Variants in ARHGAP26 observed in about 807,000 individuals in gnomAD.
ARHGAP26 encodes rho GTPase-activating protein 26.
A neutral mutation model predicts 104.8 loss-of-function variants in ARHGAP26; 38 were observed. The observed-to-expected ratio is 0.36, with a 90% CI of 0.28 to 0.48. The LOEUF is 0.48. Among genes scored for constraint, ARHGAP26 ranks in the 20% least tolerant of loss-of-function variants. The probability of loss-of-function intolerance (pLI) is 0.99; values close to 1 mark genes in which losing one functional copy is unlikely to be tolerated. For synonymous variants in ARHGAP26, 341 were observed against 340.0 expected (o/e 1.00, Z -0.03); for missense variants, 704 against 947.9 (o/e 0.74, Z 3.38).
intron 11 of ARHGAP26, among the ~76,000 whole-genome samples, chr5:142,988,157 TC>T (rs1391057402): frequency 6.6e-6 from 1 of 152,202 alleles, no homozygotes; most frequent in African/African-American, 2.4e-5. Flanking sequence ...TATTATTGCC[TC>T]AATTTCAGAG....
rs138930924 is a variant in ARHGAP26 at position 143,207,346 on chromosome 5, G to A, written c.2099+38G>A. 50 of 1,614,126 alleles carry A rather than the reference G, an allele frequency of 3.1e-5. 1 individual carries two copies. In the South Asian group the frequency reaches 3.3e-4, roughly 11 times the overall value. ...GTTTGTTTGGTTTTCTGTTGCTGCC[G>A]TTGTTCTCTCATTGGCTCGGTCCTC... On this transcript the variant is annotated intron_variant, in intron 21 of 22. Coordinates refer to ENST00000645722, the MANE Select transcript of ARHGAP26 (RefSeq NM_001135608.3).
At chr5:143,209,199 T>G (rs1809049921) in intron 21 of ARHGAP26, among the ~76,000 whole-genome samples, 2 of 152,218 alleles carry the variant, frequency 1.3e-5, no homozygotes, top group South Asian at 4.1e-4. Flanking sequence ...CTCTCTGCCT[T>G]GATGGTACTC....
chr5:142,973,979 C>T (rs566494873), intron 11 of ARHGAP26, among the ~76,000 whole-genome samples: 1 of 152,338 alleles, frequency 6.6e-6, no homozygotes, highest in South Asian at 2.1e-4. Context: ...TTATTTTAGA[C>T]TGGGCAGTGC....
chr5:142,909,765 T>G (rs1180725931), intron 9 of ARHGAP26, among the ~76,000 whole-genome samples: 1 of 152,242 alleles, frequency 6.6e-6, no homozygotes, highest in African/African-American at 2.4e-5. Flanking sequence ...TTCCTTGGAT[T>G]GAGCCTTAGT....
chr5:143,109,749 T>A (rs1178875591), intron 17 of ARHGAP26, among the ~76,000 whole-genome samples: 1 of 152,170 alleles, frequency 6.6e-6, no homozygotes, highest in Non-Finnish European at 1.5e-5. Flanking sequence ...CATATCTCTC[T>A]CTCTTTGAAT....
At chr5:142,991,400 CTTGCACTTCCCAGGTAAGGTG>C (rs945688501) in intron 11 of ARHGAP26, among the ~76,000 whole-genome samples, 43 of 152,310 alleles carry the variant, frequency 2.8e-4, no homozygotes, top group African/African-American at 9.9e-4. Flanking sequence ...TCCCTGTCCC[CTTGCACTTCCCAGGTAAGGTG>C]ATGCCTTGCC....
At chr5:142,999,960 A>T (rs751647417) in intron 11 of ARHGAP26, among the ~76,000 whole-genome samples, 8 of 152,216 alleles carry the variant, frequency 5.3e-5, no homozygotes, top group Non-Finnish European at 1.0e-4. Flanking sequence ...CAGAAAAAAG[A>T]CTTGAAGAAA....
intron 1 of ARHGAP26, among the ~76,000 whole-genome samples, chr5:142,849,119 CA>C (rs1751023803): frequency 6.6e-6 from 1 of 152,214 alleles, no homozygotes; most frequent in African/African-American, 2.4e-5. Flanking sequence ...GAGCCACAAA[CA>C]ACACTTTAGA....
At position 143,193,240 on chromosome 5, in the gene ARHGAP26, C is replaced by CTTTTTTT. The variant is rs57462040; in HGVS notation, c.1989-13939_1989-13933dup. 3.2e-3 allele frequency among the ~76,000 whole-genome samples: 240 copies of CTTTTTTT among 74,588 alleles called. 4 individuals carry two copies. Among genetic ancestry groups the CTTTTTTT allele is most frequent in the African/African-American group, 0.011 (187 of 16,926 alleles). 48.9% of individuals were successfully genotyped at this position (74,588 alleles called of 152,430 possible). ...GGTATTACAGTGCTTATTTTCTTTT[C>CTTTTTTT]TTTTTTTTTTTTTTTTTTTTTTTTT... On this transcript the variant is annotated intron_variant, in intron 20 of 22. Transcript: ENST00000645722.
chr5:142,912,977 G>A (rs555310527), intron 9 of ARHGAP26, among the ~76,000 whole-genome samples: 9 of 152,270 alleles, frequency 5.9e-5, no homozygotes, highest in South Asian at 4.2e-4. Flanking sequence ...TGATCCACCC[G>A]TACTAAAGAT....
chr5:143,221,424 CAAAAAAAA>C (rs56114785), intron 22 of ARHGAP26, among the ~76,000 whole-genome samples: 1 of 83,632 alleles, frequency 1.2e-5, no homozygotes, highest in Non-Finnish European at 2.6e-5. Context: ...TGACAGCAAC[CAAAAAAAA>C]AAAAAAAAAA....
rs530923137 is a variant in ARHGAP26, at chr5:142,806,110, C to T, written c.154+35195C>T. Among the ~76,000 whole-genome samples, 26 of 152,138 alleles carry T rather than the reference C, an allele frequency of 1.7e-4. No homozygotes were observed. In the East Asian group the frequency reaches 3.1e-3, roughly 18 times the overall value. On this transcript the variant is annotated intron_variant, in intron 1 of 22. Transcript: ENST00000645722. ...AATGAAGACTTTTTGTTGTTGTTGT[C>T]GGAGACAGAGTCTTGCTGTTTTGCC... is the stretch of plus-strand genomic sequence containing the variant.
intron 11 of ARHGAP26, among the ~76,000 whole-genome samples, chr5:142,950,821 G>A (rs1768214856): frequency 6.6e-6 from 1 of 152,200 alleles, no homozygotes; most frequent in Non-Finnish European, 1.5e-5. Flanking sequence ...AATGTGGAAT[G>A]GGTCCCATGG....
intron 17 of ARHGAP26, among the ~76,000 whole-genome samples, chr5:143,118,563 G>T (rs1795762301): frequency 6.6e-6 from 1 of 152,176 alleles, no homozygotes; most frequent in African/African-American, 2.4e-5. Flanking sequence ...TTGAGACCAG[G>T]AGTTCAAGAC....
chr5:142,990,747 G>A (rs1220390186), intron 11 of ARHGAP26, among the ~76,000 whole-genome samples: 1 of 152,210 alleles, frequency 6.6e-6, no homozygotes, highest in Non-Finnish European at 1.5e-5. Flanking sequence ...CTGTTTGCCT[G>A]AGTATCACCA....
At chr5:143,181,431 C>T (rs1340811348) in intron 20 of ARHGAP26, among the ~76,000 whole-genome samples, 1 of 152,214 alleles carries the variant, frequency 6.6e-6, no homozygotes, top group Non-Finnish European at 1.5e-5. Flanking sequence ...TTTCCTGCTT[C>T]CCCCTCCTTA....
At chr5:142,772,597 TA>T (rs1446526197) in intron 1 of ARHGAP26, 4 of 399,080 alleles carry the variant, frequency 1.0e-5, no homozygotes, top group African/African-American at 8.3e-5. Flanking sequence ...GCTTCACATA[TA>T]ATTATCTCAT....
chr5:142,789,532 C>T (rs1291963414), intron 1 of ARHGAP26, among the ~76,000 whole-genome samples: 1 of 152,200 alleles, frequency 6.6e-6, no homozygotes, highest in African/African-American at 2.4e-5. Flanking sequence ...CATCCCAACC[C>T]ATCTCACTAC....
chr5:142,918,362 G>T (rs1001718776), intron 10 of ARHGAP26, among the ~76,000 whole-genome samples: 1 of 152,160 alleles, frequency 6.6e-6, no homozygotes, highest in African/African-American at 2.4e-5. Flanking sequence ...GGCCAGGCTG[G>T]TATCAATCTC....
Sources: allele counts gnomAD v4.1 joint callset (sites outside exome capture counted in the v4.1 genomes callset), GRCh38; gene constraint gnomAD v4.1.1; transcripts MANE v1.5; gene names NCBI Gene and HGNC (gene_info 2026-07-23, HGNC 2026-07-21).